Variants in ADCY3 observed in about 807,000 individuals in gnomAD.
ADCY3 encodes the protein adenylate cyclase type 3.
ADCY3 carries 70 observed loss-of-function variants against 119.4 expected under a neutral mutation model. The observed-to-expected ratio is 0.59, with a 90% CI of 0.48 to 0.72. The LOEUF is 0.72. ADCY3 is among the 30% of genes least tolerant of loss of function. The probability of loss-of-function intolerance (pLI) is 0.00; values close to 1 mark genes in which losing one functional copy is unlikely to be tolerated. For missense variants in ADCY3, 1,238 were observed against 1,541.6 expected, an observed-to-expected ratio of 0.80 and a Z score of 3.30; for synonymous variants, 672 against 621.4, an observed-to-expected ratio of 1.08 and a Z score of -1.21.
rs777975260 is a variant in ADCY3, at chr2:24,834,625, G to A, written c.1827C>T (p.Phe609=). 3.4e-5 allele frequency: 55 copies of A among 1,614,032 alleles called. No homozygotes were observed. Among genetic ancestry groups the A allele is most frequent in the Non-Finnish European group, 4.7e-5 (55 of 1,180,034 alleles). The change falls in exon 11 of 22, where the codon TTC becomes TTT. Residue 609 remains phenylalanine (F), a synonymous_variant. Coordinates refer to ENST00000679454, the MANE Select transcript of ADCY3 (RefSeq NM_004036.5). This position sits in a 1 kb window ranked among gnomAD's most constrained non-coding sequence, Gnocchi z 4.2. The stretch of plus-strand genomic sequence containing the variant: ...GGTCCATGAACCGCATGGACAAGAG[G>A]AAGGTGTTTCTCTTCTTTACTCTGC... The part of the protein sequence containing the change: ...SAQVVKKRNT[F]LLSMRFMDPE...
chr2:24,876,403 C>T (rs1179586578), intron 2 of ADCY3, among the ~76,000 whole-genome samples: 2 of 152,194 alleles, frequency 1.3e-5, no homozygotes, highest in African/African-American at 4.8e-5. Context: ...TTTTCCACAG[C>T]CTCCATACAC....
chr2:24,899,524 A>G lies in ADCY3; in HGVS notation c.675+18789T>C, dbSNP rs992799368. 6.6e-6 allele frequency among the ~76,000 whole-genome samples: 1 copy of G among 152,174 alleles called. No homozygotes were observed. Among genetic ancestry groups the G allele is most frequent in the Admixed American group, 6.5e-5 (1 of 15,280 alleles). On this transcript the variant is annotated intron_variant, in intron 2 of 21. Coordinates refer to ENST00000679454, the MANE Select transcript of ADCY3 (RefSeq NM_004036.5). The surrounding 1 kb of genome is among the most constrained non-coding windows in gnomAD (Gnocchi z 4.5). The stretch of plus-strand genomic sequence containing the variant: ...CTTCTTGCTGCTGCAGATGGAAGCA[A>G]GCAGAAGCAGCTTGCTAGACCAGCC...
intron 2 of ADCY3, among the ~76,000 whole-genome samples, chr2:24,876,323 C>T (rs1033953528): frequency 2.6e-5 from 4 of 152,132 alleles, no homozygotes; most frequent in Admixed American, 2.0e-4. Flanking sequence ...TAGATAGTCA[C>T]GAAGATACTA....
chr2:24,822,339 T>G, intron 19 of ADCY3, 172 bp downstream of exon 19: 2 of 932,896 alleles, frequency 2.1e-6, no homozygotes, highest in Non-Finnish European at 3.2e-6. Flanking sequence ...TTTCTCTGCT[T>G]GCCGAACTTT....
At chr2:24,853,224 G>A (rs1672592637) in intron 3 of ADCY3, among the ~76,000 whole-genome samples, 1 of 152,092 alleles carries the variant, frequency 6.6e-6, no homozygotes, top group Admixed American at 6.5e-5. Flanking sequence ...GTGTTTTGAG[G>A]TGGAAATGGC....
At chr2:24,911,649 A>G (rs1402228745) in intron 2 of ADCY3, among the ~76,000 whole-genome samples, 6 of 146,634 alleles carry the variant, frequency 4.1e-5, no homozygotes, top group Admixed American at 4.1e-4. Flanking sequence ...AAAAAAAAAA[A>G]AAAAAAAAAC....
At chr2:24,910,114 G>A (rs1215536765) in intron 2 of ADCY3, among the ~76,000 whole-genome samples, 1 of 152,206 alleles carries the variant, frequency 6.6e-6, no homozygotes, top group Non-Finnish European at 1.5e-5. Flanking sequence ...GTGGACAAAT[G>A]AGTGACCCCA....
chr2:24,850,617 C>A (rs903116526), intron 3 of ADCY3, among the ~76,000 whole-genome samples: 2 of 152,216 alleles, frequency 1.3e-5, no homozygotes, highest in African/African-American at 4.8e-5. Flanking sequence ...TGTTCCAAAC[C>A]TTTGACCCAT....
intron 3 of ADCY3, among the ~76,000 whole-genome samples, chr2:24,871,580 G>A (rs1675019406): frequency 6.6e-6 from 1 of 152,234 alleles, no homozygotes; most frequent in Non-Finnish European, 1.5e-5. Context: ...CAAGGGCTCC[G>A]GAGTGGCCCC....
intron 3 of ADCY3, among the ~76,000 whole-genome samples, chr2:24,848,962 C>G (rs1158496037): frequency 6.6e-6 from 1 of 152,208 alleles, no homozygotes; most frequent in Admixed American, 6.5e-5. Flanking sequence ...TCTCAGCCCC[C>G]CCCGCCACGT....
Position 24,853,008 on chromosome 2 carries a change from GTGTGTGTGT to G in ADCY3, c.826-10633_826-10625del, listed in dbSNP as rs1672538070. ...TGAAGGAAAGGAACAGCTGGAGGGT[GTGTGTGTGT>G]GTGTGTGTGTGTGTGTGTGTGTGTG... On this transcript the variant is annotated intron_variant, in intron 3 of 21. Coordinates refer to ENST00000679454, the MANE Select transcript of ADCY3 (RefSeq NM_004036.5). Among the ~76,000 whole-genome samples, 537 of 87,572 alleles carry G rather than the reference GTGTGTGTGT, an allele frequency of 6.1e-3. 15 individuals are homozygous for G. Among genetic ancestry groups the G allele is most frequent in the East Asian group, 0.016 (47 of 2,870 alleles). 57.5% of individuals were successfully genotyped at this position (87,572 alleles called of 152,430 possible). A position where few individuals can be genotyped will look rare whatever the true frequency, so the allele number is the denominator to read the frequency against.
chr2:24,833,576 T>C (rs936366251), intron 11 of ADCY3, among the ~76,000 whole-genome samples: 5 of 152,254 alleles, frequency 3.3e-5, no homozygotes, highest in African/African-American at 9.6e-5. Flanking sequence ...ATGCATATTT[T>C]AATTGTTTAA....
chr2:24,853,572 T>G (rs906876206), intron 3 of ADCY3, among the ~76,000 whole-genome samples: 1 of 149,142 alleles, frequency 6.7e-6, no homozygotes, highest in East Asian at 2.0e-4. Flanking sequence ...CAGGTTCAAG[T>G]GATTCTCCTG....
At position 24,822,533 on chromosome 2, in the gene ADCY3, T is replaced by C; in HGVS notation, c.2981A>G (p.Asn994Ser). 5 of 1,614,042 alleles carry C rather than the reference T, an allele frequency of 3.1e-6. No homozygotes were observed. The highest frequency in any genetic ancestry group is 4.2e-6 in the Non-Finnish European group (5 of 1,179,950). The change falls in exon 19 of 22, where the codon AAT (asparagine) becomes AGT (serine). Residue 994 changes from asparagine to serine, a missense_variant. Around this residue, in one of 7 missense-constraint regions of ADCY3, gnomAD observed 63 missense variants for 62.8 expected, o/e 1.00. Transcript: ENST00000679454. The part of the protein sequence containing the change: ...ASGVTPDVNT[N>S]GFASSNKEDK... Reference sequence around the variant, plus strand: ...TACCTTGTTGGAGCTGGCAAAGCCATTGGTGTTGACATCGGGGGTGACTCC... The same window carrying C: ...TACCTTGTTGGAGCTGGCAAAGCCACTGGTGTTGACATCGGGGGTGACTCC...
intron 21 of ADCY3, 189 bp downstream of exon 21, chr2:24,820,535 T>G: frequency 7.1e-7 from 1 of 1,401,340 alleles, no homozygotes; most frequent in South Asian, 1.5e-5. Flanking sequence ...ATTTTGTGGA[T>G]GGGTGGAAGT....
chr2:24,833,079 A>G (rs527529699), intron 11 of ADCY3, among the ~76,000 whole-genome samples: 5 of 152,300 alleles, frequency 3.3e-5, no homozygotes, highest in African/African-American at 1.2e-4. Context: ...TGGCCACCAC[A>G]GTGGCTTGTC....
intron 17 of ADCY3, 142 bp downstream of exon 17, chr2:24,824,236 G>C: frequency 1.9e-6 from 2 of 1,032,402 alleles, no homozygotes. Flanking sequence ...TTGCTTATTT[G>C]TGTTTGCTGT....
At chr2:24,829,013 C>CT (rs1311448132) in intron 13 of ADCY3, among the ~76,000 whole-genome samples, 4 of 88,074 alleles carry the variant, frequency 4.5e-5, no homozygotes, top group South Asian at 4.3e-4. Context: ...TAGACTTATT[C>CT]TTTTTTTTCT....
chr2:24,852,263 G>A (rs1672396249), intron 3 of ADCY3, among the ~76,000 whole-genome samples: 1 of 152,180 alleles, frequency 6.6e-6, no homozygotes. Flanking sequence ...CTCCTCCTCT[G>A]CAATCCACTG....
Sources: allele counts gnomAD v4.1 joint callset (sites outside exome capture counted in the v4.1 genomes callset), GRCh38; gene constraint gnomAD v4.1.1; regional missense constraint gnomAD v4.1.1; non-coding constraint Gnocchi (gnomAD v3.1); transcripts MANE v1.5; gene names NCBI Gene and HGNC (gene_info 2026-07-23, HGNC 2026-07-21).